Variants in PDGFD observed in about 807,000 individuals in gnomAD.
The protein encoded by PDGFD is platelet derived growth factor D, also known as platelet-derived growth factor D.
PDGFD carries 30 observed loss-of-function variants against 44.7 expected under a neutral mutation model. That is an observed-to-expected ratio of 0.67 (90% CI 0.50 to 0.91). The LOEUF (loss-of-function observed/expected upper bound fraction) is 0.91, where lower values mean the gene tolerates loss of function less well. Ranked by LOEUF, PDGFD falls within the 40% of genes least tolerant of loss-of-function variation. The pLI is 0.00. For missense variants in PDGFD, 445 were observed against 457.8 expected, an observed-to-expected ratio of 0.97 and a Z score of 0.25; for synonymous variants, 173 against 168.4, an observed-to-expected ratio of 1.03 and a Z score of -0.21.
chr11:103,988,507 AGT>A, intron 3 of PDGFD, among the ~76,000 whole-genome samples: 1 of 152,166 alleles, frequency 6.6e-6, no homozygotes, highest in Non-Finnish European at 1.5e-5. Context: ...TGTCAGGACT[AGT>A]CAACATGCAA....
chr11:103,909,600 G>T lies in PDGFD; in HGVS notation c.*94C>A. 6.7e-7 allele frequency: 1 copy of T among 1,486,778 alleles called. No individual in the cohort carries two copies. Among genetic ancestry groups the T allele is most frequent in the Non-Finnish European group, 9.3e-7 (1 of 1,077,280 alleles). 92.1% of individuals were successfully genotyped at this position (1,486,778 alleles called of 1,614,324 possible). ...GTGTTCATTGCATTGCAGGCTAGTA[G>T]TAAGTTTGGTTGCTGGTAGGAAAAG... On this transcript the variant is annotated 3_prime_UTR_variant, in exon 7 of 7. Transcript: ENST00000393158.
chr11:103,936,227 C>T (rs1456041784), intron 5 of PDGFD, among the ~76,000 whole-genome samples: 1 of 152,148 alleles, frequency 6.6e-6, no homozygotes, highest in Non-Finnish European at 1.5e-5. Flanking sequence ...GATGTAGTTA[C>T]AGATATCTGA....
At chr11:104,014,756 A>G (rs903041215) in intron 1 of PDGFD, among the ~76,000 whole-genome samples, 7 of 152,204 alleles carry the variant, frequency 4.6e-5, no homozygotes, top group Admixed American at 6.5e-5. Flanking sequence ...TATGGAAAAA[A>G]TGACTAACAA....
Position 103,997,917 on chromosome 11 carries a change from GCTATACTT to G in PDGFD, c.330-1680_330-1673del, listed in dbSNP as rs563255351. Among the ~76,000 whole-genome samples, 65 of 152,074 alleles carry G rather than the reference GCTATACTT, an allele frequency of 4.3e-4. 2 individuals carry two copies. The South Asian group carries it at 0.013, about 30-fold the overall frequency. On this transcript the variant is annotated intron_variant, in intron 2 of 6. Coordinates refer to ENST00000393158, the MANE Select transcript of PDGFD (RefSeq NM_025208.5). ...CGTCTTTCTCTCCTCTTTTCTACCT[GCTATACTT>G]CTACTTCCTTCCATAAATTTTGAGG...
At chr11:104,002,668 T>A (rs906238122) in intron 1 of PDGFD, among the ~76,000 whole-genome samples, 2 of 152,196 alleles carry the variant, frequency 1.3e-5, no homozygotes, top group African/African-American at 4.8e-5. Flanking sequence ...AATTATGTAT[T>A]AAGCATAGAT....
chr11:103,964,877 G>T (rs1213500441), intron 3 of PDGFD, among the ~76,000 whole-genome samples: 1 of 151,808 alleles, frequency 6.6e-6, no homozygotes, highest in Non-Finnish European at 1.5e-5. Context: ...TGAAGTACAG[G>T]TTAAACTTTT....
chr11:103,935,195 T>C (rs1858469811), intron 5 of PDGFD, among the ~76,000 whole-genome samples: 3 of 152,252 alleles, frequency 2.0e-5, no homozygotes, highest in South Asian at 4.1e-4. Context: ...GGAATAACTT[T>C]GATAATGAGG....
At chr11:103,974,826 CATTA>C (rs1859158385) in intron 3 of PDGFD, among the ~76,000 whole-genome samples, 1 of 152,148 alleles carries the variant, frequency 6.6e-6, no homozygotes, top group African/African-American at 2.4e-5. Context: ...GACATGAACA[CATTA>C]ATTTTTATGG....
chr11:103,913,952 C>T (rs181347503), intron 6 of PDGFD, among the ~76,000 whole-genome samples: 1 of 151,990 alleles, frequency 6.6e-6, no homozygotes, highest in African/African-American at 2.4e-5. Context: ...CCTTGGGGGA[C>T]AGAACAAAAG....
intron 1 of PDGFD, among the ~76,000 whole-genome samples, chr11:104,078,342 C>G (rs149727664): frequency 5.5e-4 from 84 of 152,276 alleles, no homozygotes; most frequent in African/African-American, 2.0e-3. Flanking sequence ...TGGACAGGGT[C>G]TCTATATACA....
At chr11:104,030,391 T>C (rs369326107) in intron 1 of PDGFD, among the ~76,000 whole-genome samples, 2 of 152,182 alleles carry the variant, frequency 1.3e-5, no homozygotes, top group South Asian at 2.1e-4. Flanking sequence ...GGCAATGAAA[T>C]GCCAAAGTCT....
intron 3 of PDGFD, among the ~76,000 whole-genome samples, chr11:103,959,756 GT>G (rs1591095430): frequency 1.3e-5 from 2 of 152,100 alleles, no homozygotes; most frequent in East Asian, 3.9e-4. Flanking sequence ...AAACACCATG[GT>G]TAACATCAGT....
At chr11:104,091,125 TAG>T (rs1346313983) in intron 1 of PDGFD, among the ~76,000 whole-genome samples, 5 of 152,278 alleles carry the variant, frequency 3.3e-5, no homozygotes, top group Middle Eastern at 6.8e-3. Context: ...TAAATTAAAA[TAG>T]AGTCTCTGAC....
intron 1 of PDGFD, among the ~76,000 whole-genome samples, chr11:104,119,040 A>AT (rs376836246): frequency 0.034 from 94 of 2,732 alleles, 43 homozygotes; most frequent in East Asian, 0.11. Flanking sequence ...GATATAATAT[A>AT]TAATATATTG....
intron 3 of PDGFD, among the ~76,000 whole-genome samples, chr11:103,960,139 A>G (rs752150512): frequency 1.3e-5 from 2 of 152,202 alleles, no homozygotes; most frequent in Non-Finnish European, 2.9e-5. Context: ...GTGTACTTAG[A>G]GAATGCAAAT....
chr11:104,038,302 G>T (rs1185435354), intron 1 of PDGFD: 2 of 361,238 alleles, frequency 5.5e-6, no homozygotes, highest in Non-Finnish European at 1.1e-5. Flanking sequence ...TTCCTTTAGA[G>T]ACACTATCCT....
chr11:103,960,071 T>A (rs1858913054), intron 3 of PDGFD, among the ~76,000 whole-genome samples: 2 of 152,204 alleles, frequency 1.3e-5, no homozygotes, highest in South Asian at 4.1e-4. Context: ...CAGCAAAATT[T>A]TAATCCCAGA....
At chr11:103,932,805 G>T (rs907646173) in intron 5 of PDGFD, among the ~76,000 whole-genome samples, 1 of 152,136 alleles carries the variant, frequency 6.6e-6, no homozygotes, top group Non-Finnish European at 1.5e-5. Flanking sequence ...TATCACAAAG[G>T]TGAAACAATT....
chr11:103,929,513 T>C (rs1362636181), intron 5 of PDGFD, among the ~76,000 whole-genome samples: 2 of 152,146 alleles, frequency 1.3e-5, no homozygotes, highest in African/African-American at 4.8e-5. Flanking sequence ...CTCCTCACAT[T>C]GTATAACTCT....
Sources: allele counts gnomAD v4.1 joint callset (sites outside exome capture counted in the v4.1 genomes callset), GRCh38; gene constraint gnomAD v4.1.1; transcripts MANE v1.5; gene names NCBI Gene and HGNC (gene_info 2026-07-23, HGNC 2026-07-21).